IPP: variants seen among roughly 807,000 people sequenced by gnomAD.
IPP encodes intracisternal A particle-promoted polypeptide, also known as actin-binding protein IPP.
Under a neutral mutation model 64.1 loss-of-function variants are expected in IPP, and 41 were observed. The observed-to-expected ratio is 0.64, with a 90% confidence interval of 0.50 to 0.83. IPP has a LOEUF of 0.83. IPP is among the 40% of genes least tolerant of loss of function. The probability of loss-of-function intolerance (pLI) is 0.00; values close to 1 mark genes in which losing one functional copy is unlikely to be tolerated. For missense variants in IPP, 649 were observed against 703.0 expected (o/e 0.92, Z 0.87); for synonymous variants, 214 against 235.2 (o/e 0.91, Z 0.83).
intron 3 of IPP, among the ~76,000 whole-genome samples, chr1:45,730,208 T>G (rs1230575607): frequency 1.3e-5 from 2 of 151,964 alleles, no homozygotes; most frequent in African/African-American, 2.4e-5. Flanking sequence ...AAAAATTAGC[T>G]GGGTGTGGTG....
intron 8 of IPP, among the ~76,000 whole-genome samples, chr1:45,708,495 A>G (rs944786484): frequency 4.7e-5 from 7 of 150,444 alleles, no homozygotes; most frequent in Admixed American, 1.3e-4. Context: ...CCTGGCCAAC[A>G]TGGTGAAACC....
At chr1:45,735,723 C>T (rs577882135) in intron 3 of IPP, among the ~76,000 whole-genome samples, 5 of 148,610 alleles carry the variant, frequency 3.4e-5, no homozygotes, top group African/African-American at 1.2e-4. Context: ...TCCGCCTCCT[C>T]GGTTCAAGCA....
intron 3 of IPP, among the ~76,000 whole-genome samples, chr1:45,739,895 A>G (rs1475190395): frequency 6.7e-6 from 1 of 150,036 alleles, no homozygotes; most frequent in Non-Finnish European, 1.5e-5. Context: ...GGGTCATAGG[A>G]CAATAGTGGA....
At chr1:45,736,974 C>T (rs1170052220) in intron 3 of IPP, among the ~76,000 whole-genome samples, 1 of 136,446 alleles carries the variant, frequency 7.3e-6, no homozygotes, top group Non-Finnish European at 1.5e-5. Context: ...ACCCGGGAGG[C>T]GGAGGTTGCA....
At chr1:45,729,805 A>AT (rs1402887428) in intron 3 of IPP, 36 bp from the exon 4 acceptor site, 2 of 1,255,622 alleles carry the variant, frequency 1.6e-6, no homozygotes, top group African/African-American at 3.1e-5. Context: ...GTTTTAAACA[A>AT]TTTTTAAATA....
Position 45,719,239 on chromosome 1 carries a change from C to G in IPP, c.1150G>C (p.Gly384Arg), listed in dbSNP as rs755801963. 6.2e-7 allele frequency: 1 copy of G among 1,613,706 alleles called. No homozygotes were observed. The highest frequency in any genetic ancestry group is 1.3e-5 in the African/African-American group (1 of 74,884). ...ASMNHPRCGLGVCVCYGAIYA... is the reference protein window; with the variant it reads ...ASMNHPRCGLRVCVCYGAIYA... ...ATAGCCCCATAACACACACACACTCCTAAGCCGCAGCGGGGATGATTCATC... is the reference window on the plus strand; with the variant it reads ...ATAGCCCCATAACACACACACACTCGTAAGCCGCAGCGGGGATGATTCATC... Residue 384 changes from glycine (G) to arginine (R), a missense_variant, in exon 6 of 9, where the codon GGA (glycine) becomes CGA (arginine). Gly to Arg is a moderately radical substitution (Grantham distance 125, BLOSUM62 -2). Coordinates refer to ENST00000396478, the MANE Select transcript of IPP (RefSeq NM_005897.3).
chr1:45,726,975 C>T (rs769519804), intron 5 of IPP, among the ~76,000 whole-genome samples: 67 of 152,246 alleles, frequency 4.4e-4, no homozygotes, highest in Admixed American at 1.8e-3. Context: ...ATCTGCCTGT[C>T]TCAGCCTCCC....
intron 3 of IPP, among the ~76,000 whole-genome samples, chr1:45,736,155 T>C (rs540718793): frequency 2.6e-5 from 4 of 151,682 alleles, no homozygotes; most frequent in East Asian, 1.9e-4. Flanking sequence ...AGGGTCTCAC[T>C]ATGTTCAGCC....
chr1:45,729,907 A>G (rs1570017059), intron 3 of IPP, 138 bp from the exon 4 acceptor site: 2 of 583,350 alleles, frequency 3.4e-6, no homozygotes, highest in East Asian at 6.2e-5. Context: ...TGTTTCCTAC[A>G]ATACCAAATA....
rs751452108 is a variant in IPP, at chr1:45,719,215, T to C, written c.1174A>G (p.Ile392Val). ...ACAACATAATTACCCAAAGCATAGATAGCCCCATAACACACACACACTCCT... is the reference window on the plus strand; with the variant it reads ...ACAACATAATTACCCAAAGCATAGACAGCCCCATAACACACACACACTCCT... ...GLGVCVCYGA[I>V]YALGGWVGAE... Residue 392 changes from isoleucine (I) to valine (V), a missense_variant, in exon 6 of 9, where the codon ATC becomes GTC. Coordinates refer to ENST00000396478, the MANE Select transcript of IPP (RefSeq NM_005897.3). 2.5e-6 allele frequency: 4 copies of C among 1,613,926 alleles called. No individual in the cohort carries two copies. In the African/African-American group the frequency reaches 4.0e-5, roughly 16 times the overall value.
intron 8 of IPP, among the ~76,000 whole-genome samples, chr1:45,712,585 G>A (rs985244740): frequency 5.9e-5 from 9 of 151,552 alleles, no homozygotes; most frequent in Non-Finnish European, 8.8e-5. Flanking sequence ...GGCCGGGCAC[G>A]GTGGGCTCAT....
rs573118138 is a variant in IPP, at chr1:45,720,752, A to C, written c.1049-1412T>G. Among the ~76,000 whole-genome samples, 45 of 152,328 alleles carry C rather than the reference A, an allele frequency of 3.0e-4. No individual in the cohort carries two copies. The South Asian group carries it at 9.1e-3, about 31-fold the overall frequency. On this transcript the variant is annotated intron_variant, in intron 5 of 8. Transcript: ENST00000396478. ...GAGTTAGCACTACAGAGCAGTAGGG[A>C]AACAACAATCTTTCATGCTAGAATA...
At chr1:45,745,053 C>A (rs529854602) in intron 2 of IPP, among the ~76,000 whole-genome samples, 1 of 151,878 alleles carries the variant, frequency 6.6e-6, no homozygotes, top group Non-Finnish European at 1.5e-5. Flanking sequence ...AGAGAGAGAC[C>A]CTGTCTCAAA....
chr1:45,738,869 G>GA (rs1483229365), intron 3 of IPP, among the ~76,000 whole-genome samples: 3 of 104,962 alleles, frequency 2.9e-5, no homozygotes, highest in African/African-American at 1.1e-4. Flanking sequence ...AAAAAAACAA[G>GA]AAAAAAATCT....
At chr1:45,740,759 C>T (rs1646051710) in intron 3 of IPP, 142 bp downstream of exon 3, 1 of 556,964 alleles carries the variant, frequency 1.8e-6, no homozygotes, top group Non-Finnish European at 3.1e-6. Context: ...TCATTCAATA[C>T]ATTTTAAAAA....
At position 45,736,127 on chromosome 1, in the gene IPP, A is replaced by G. The variant is rs200332886; in HGVS notation, c.724+4774T>C. Among the ~76,000 whole-genome samples, 443 of 149,082 alleles carry G rather than the reference A, an allele frequency of 3.0e-3. 4 individuals carry two copies. Among genetic ancestry groups the G allele is most frequent in the East Asian group, 0.022 (110 of 5,052 alleles). ...CTCCATCTCAAAAAAAAAAAAAAAA[A>G]TTTTTTTTTGTAGAGACAGGGTCTC... On this transcript the variant is annotated intron_variant, in intron 3 of 8. Coordinates refer to ENST00000396478, the MANE Select transcript of IPP (RefSeq NM_005897.3).
Position 45,699,973 on chromosome 1 carries a change from A to T in IPP, c.1748T>A (p.Val583Glu). ...ITSRCEGGVAVL is the reference protein window; with the variant it reads ...ITSRCEGGVAEL ...TCTGTTATGCTTTATATTTCATAGCACAGCAACGCCCCCTTCACAACGACT... is the reference window on the plus strand; with the variant it reads ...TCTGTTATGCTTTATATTTCATAGCTCAGCAACGCCCCCTTCACAACGACT... The change falls in exon 9 of 9, where the codon GTG becomes GAG. Residue 583 changes from valine (V) to glutamate (E), a missense_variant. Val to Glu is a moderately radical substitution (Grantham distance 121, BLOSUM62 -2). Transcript: ENST00000396478. The T allele has an allele frequency of 6.2e-7, 1 of 1,614,200 alleles. No individual in the cohort carries two copies. The highest frequency in any genetic ancestry group is 8.5e-7 in the Non-Finnish European group (1 of 1,180,036).
rs372642930 is a variant in IPP, at chr1:45,741,233, T to A, written c.392A>T (p.Lys131Ile). ...GCAGTTCAGTGGATCAATTTGTCCT[T>A]TCAGAAATTCACAGCAAAGATGAAC... ...EVVHLCCEFL[K>I]GQIDPLNCIG... The change falls in exon 3 of 9, where the codon AAA (lysine) becomes ATA (isoleucine). Residue 131 changes from lysine (K) to isoleucine (I), a missense_variant. By Grantham distance (102) the Lys-to-Ile change is moderately radical. Transcript: ENST00000396478. The A allele has an allele frequency of 6.8e-6, 11 of 1,614,032 alleles. No individual in the cohort carries two copies. The highest frequency in any genetic ancestry group is 1.3e-5 in the African/African-American group (1 of 74,932).
chr1:45,743,137 C>G (rs1252822733), intron 2 of IPP, among the ~76,000 whole-genome samples: 1 of 151,750 alleles, frequency 6.6e-6, no homozygotes, highest in Non-Finnish European at 1.5e-5. Flanking sequence ...GAGGTTTCAC[C>G]ATGTTGGTCA....
Sources: gnomAD v4.1 joint callset for allele counts (sites outside exome capture counted in the v4.1 genomes callset) on GRCh38, gnomAD v4.1.1 for gene constraint, MANE v1.5 for transcripts, NCBI Gene and HGNC (gene_info 2026-07-23, HGNC 2026-07-21) for gene names.